KBTBD3: variants seen among roughly 807,000 people sequenced by gnomAD.
KBTBD3 encodes kelch repeat and BTB domain-containing protein 3.
In KBTBD3, 38 loss-of-function variants were observed where a neutral mutation model predicts 49.6. The observed-to-expected ratio is 0.77, with a 90% CI of 0.59 to 1.00. The LOEUF (loss-of-function observed/expected upper bound fraction) is 1.00. Ranked by LOEUF, KBTBD3 falls within the 50% of genes least tolerant of loss-of-function variation. The pLI, the probability that KBTBD3 is intolerant of heterozygous loss-of-function variation, is 0.00. For missense variants in KBTBD3, 661 were observed against 712.0 expected, an observed-to-expected ratio of 0.93 and a Z score of 0.81; for synonymous variants, 214 against 250.4, an observed-to-expected ratio of 0.85 and a Z score of 1.37.
At position 106,053,781 on chromosome 11, in the gene KBTBD3, T is replaced by C; in HGVS notation, c.908A>G (p.Glu303Gly). ...TEKYIFIHKT[E>G]ENGENQYTFC... ...TGTATATTGATTTTCTCCATTTTCC[T>C]CAGTTTTGTGAATGAATATGTATTT... The change falls in exon 4 of 4, where the codon GAG (glutamate) becomes GGG (glycine). Residue 303 changes from glutamate (E) to glycine (G), a missense_variant. Coordinates refer to ENST00000531837, the MANE Select transcript of KBTBD3 (RefSeq NM_198439.3). 1 of 1,613,944 alleles carries C rather than the reference T, an allele frequency of 6.2e-7. No individual in the cohort carries two copies. The highest frequency in any genetic ancestry group is 8.5e-7 in the Non-Finnish European group (1 of 1,179,906).
At position 106,052,930 on chromosome 11, in the gene KBTBD3, T is replaced by C. The variant is rs755673973; in HGVS notation, c.1759A>G (p.Arg587Gly). The change falls in exon 4 of 4, where the codon AGA becomes GGA. Residue 587 changes from arginine to glycine, a missense_variant. Arg to Gly is a moderately radical substitution (Grantham distance 125). Transcript: ENST00000531837. ...SEWEEVSPMP[R>G]ALTEFYCQVI... ...TGGCAGTAAAATTCTGTTAAGGCTCTAGGCATTGGTGAAACTTCTTCCCAT... is the reference window on the plus strand; with the variant it reads ...TGGCAGTAAAATTCTGTTAAGGCTCCAGGCATTGGTGAAACTTCTTCCCAT... 2.4e-5 allele frequency: 39 copies of C among 1,613,532 alleles called. No homozygotes were observed. Among genetic ancestry groups the C allele is most frequent in the Middle Eastern group, 3.3e-4 (2 of 6,084 alleles).
rs748508609 is a variant in KBTBD3, at chr11:106,053,059, C to A, written c.1630G>T (p.Ala544Ser). 2 of 1,613,548 alleles carry A rather than the reference C, an allele frequency of 1.2e-6. No homozygotes were observed. The highest frequency in any genetic ancestry group is 2.7e-5 in the African/African-American group (2 of 74,892). ...TTATCTTCAATTCCAATTGCACCTGCATTAAAGCCTGCACACTCAAAAGAT... is the reference window on the plus strand; with the variant it reads ...TTATCTTCAATTCCAATTGCACCTGAATTAAAGCCTGCACACTCAAAAGAT... ...EGSFECAGFN[A>S]GAIGIEDKIY... The change falls in exon 4 of 4, where the codon GCA (alanine) becomes TCA (serine). Residue 544 changes from alanine (A) to serine (S), a missense_variant. Transcript: ENST00000531837.
chr11:106,074,532 A>G (rs1157849492), intron 2 of KBTBD3, among the ~76,000 whole-genome samples: 1 of 152,180 alleles, frequency 6.6e-6, no homozygotes, highest in Admixed American at 6.5e-5. Context: ...GTGCCACAAC[A>G]TTCTTCAGGT....
At position 106,052,563 on chromosome 11, in the gene KBTBD3, G is replaced by T. The variant is rs1316058812; in HGVS notation, c.*287C>A. The T allele has an allele frequency of 1.3e-5, 4 of 298,802 alleles. No individual in the cohort carries two copies. The highest frequency in any genetic ancestry group is 2.5e-5 in the Non-Finnish European group (4 of 161,412). The allele number at this position is 298,802 out of a possible 1,614,324, so 18.5% of individuals were successfully genotyped here. On this transcript the variant is annotated 3_prime_UTR_variant, in exon 4 of 4. Transcript: ENST00000531837. ...ATCTAAACAGTACAAATCTTTTATG[G>T]ACAGAGTACTTTAAAAATCAAAGTG...
intron 1 of KBTBD3, 23 bp downstream of exon 1, chr11:106,077,289 C>T (rs1467361869): frequency 5.3e-6 from 1 of 188,432 alleles, no homozygotes; most frequent in Non-Finnish European, 1.1e-5. Flanking sequence ...CCACTCCTCC[C>T]TCAGACCCCG....
chr11:106,056,347 C>G (rs745328171), intron 3 of KBTBD3, among the ~76,000 whole-genome samples: 1 of 152,062 alleles, frequency 6.6e-6, no homozygotes, highest in Non-Finnish European at 1.5e-5. Context: ...ATTTTAAAAA[C>G]TAAAAGCAGA....
intron 2 of KBTBD3, among the ~76,000 whole-genome samples, chr11:106,065,166 A>G (rs1269427874): frequency 6.6e-6 from 1 of 152,172 alleles, no homozygotes; most frequent in Non-Finnish European, 1.5e-5. Flanking sequence ...GTTCAAAAAT[A>G]CATAATAATT....
chr11:106,061,628 CTCTT>C (rs1459055364), intron 2 of KBTBD3, among the ~76,000 whole-genome samples: 2 of 152,074 alleles, frequency 1.3e-5, no homozygotes, highest in South Asian at 2.1e-4. Context: ...TAAGAAAGAA[CTCTT>C]TCTTTCTGCC....
chr11:106,058,505 C>A (rs559471119), intron 3 of KBTBD3, among the ~76,000 whole-genome samples: 1 of 151,974 alleles, frequency 6.6e-6, no homozygotes, highest in Non-Finnish European at 1.5e-5. Flanking sequence ...GCTCACCCAA[C>A]CTCAGCCTCC....
intron 2 of KBTBD3, among the ~76,000 whole-genome samples, chr11:106,062,093 T>C (rs1860711280): frequency 6.6e-6 from 1 of 152,030 alleles, no homozygotes; most frequent in Non-Finnish European, 1.5e-5. Flanking sequence ...GAGAAAGTAA[T>C]AGGTTGTAAC....
chr11:106,074,237 C>G (rs1054606470), intron 2 of KBTBD3, among the ~76,000 whole-genome samples: 2 of 151,858 alleles, frequency 1.3e-5, no homozygotes, highest in African/African-American at 4.8e-5. Flanking sequence ...AAACAAAAAT[C>G]TGTCCTTTGA....
chr11:106,058,372 C>G (rs1860602174), intron 3 of KBTBD3, among the ~76,000 whole-genome samples: 2 of 138,992 alleles, frequency 1.4e-5, no homozygotes, highest in African/African-American at 3.0e-5. Flanking sequence ...CAGAGCGAGA[C>G]TCCCTCTAAA....
chr11:106,058,815 AACTT>A (rs1860617844), intron 3 of KBTBD3, 46 bp downstream of exon 3: 2 of 1,047,998 alleles, frequency 1.9e-6, no homozygotes, highest in African/African-American at 3.3e-5. Flanking sequence ...TATAAAATAG[AACTT>A]AATTATCCAA....
rs1412639666 is a variant in KBTBD3, at chr11:106,052,041, C to G, written c.*809G>C. The G allele has an allele frequency of 6.6e-6, 1 of 151,784 alleles. No homozygotes were observed. The highest frequency in any genetic ancestry group is 1.5e-5 in the Non-Finnish European group (1 of 67,824). The allele number at this position is 151,784 out of a possible 1,614,324, so 9.4% of individuals were successfully genotyped here. A position where few individuals can be genotyped will look rare whatever the true frequency, so the allele number is the denominator to read the frequency against. Reference sequence around the variant, plus strand: ...ATGATACATAAAAAGTATTTTAGTACTGCCATCCCAGAATCCAAAAATTTC... The same window carrying G: ...ATGATACATAAAAAGTATTTTAGTAGTGCCATCCCAGAATCCAAAAATTTC... On this transcript the variant is annotated 3_prime_UTR_variant, in exon 4 of 4. Transcript: ENST00000531837.
chr11:106,058,580 C>T (rs112718960), intron 3 of KBTBD3, among the ~76,000 whole-genome samples: 12,054 of 151,760 alleles, frequency 0.079, 522 homozygotes, highest in Middle Eastern at 0.15. Flanking sequence ...CACGCCATTG[C>T]GACCGGCTAA....
chr11:106,065,823 T>C (rs527673732), intron 2 of KBTBD3, among the ~76,000 whole-genome samples: 168 of 152,072 alleles, frequency 1.1e-3, no homozygotes, highest in Middle Eastern at 6.8e-3. Context: ...TAGCCAGGCA[T>C]GGTAGTGGGC....
intron 2 of KBTBD3, among the ~76,000 whole-genome samples, chr11:106,067,510 C>T (rs576019872): frequency 1.3e-5 from 2 of 151,802 alleles, no homozygotes; most frequent in South Asian, 4.2e-4. Flanking sequence ...ACTCAGGAGG[C>T]TGAGGCAGAA....
At chr11:106,056,434 CAAG>C (rs1449712135) in intron 3 of KBTBD3, among the ~76,000 whole-genome samples, 2 of 152,084 alleles carry the variant, frequency 1.3e-5, no homozygotes, top group Admixed American at 1.3e-4. Flanking sequence ...AAAATAGCAT[CAAG>C]AAGAGTGCAG....
intron 2 of KBTBD3, among the ~76,000 whole-genome samples, chr11:106,069,382 CA>C (rs1860874631): frequency 6.6e-6 from 1 of 151,894 alleles, no homozygotes; most frequent in South Asian, 2.1e-4. Context: ...TAGAACGAAT[CA>C]GCAAGTTCAG....
Sources: allele counts gnomAD v4.1 joint callset (sites outside exome capture counted in the v4.1 genomes callset), GRCh38; gene constraint gnomAD v4.1.1; transcripts MANE v1.5; gene names NCBI Gene and HGNC (gene_info 2026-07-23, HGNC 2026-07-21).